Variants in TUSC3 observed in about 807,000 individuals in gnomAD.
TUSC3 encodes the protein tumor suppressor candidate 3.
In TUSC3, 45 loss-of-function variants were observed where a neutral mutation model predicts 44.8. That is an observed-to-expected ratio of 1.00 (90% confidence interval 0.79 to 1.29). The LOEUF (loss-of-function observed/expected upper bound fraction) is 1.29, where lower values mean the gene tolerates loss of function less well. Ranked by LOEUF, TUSC3 falls within the 50% of genes most tolerant of loss-of-function variation. The probability of loss-of-function intolerance (pLI) is 0.00; values close to 1 mark genes in which losing one functional copy is unlikely to be tolerated. For synonymous variants in TUSC3, 212 were observed against 152.9 expected (o/e 1.39, Z -2.85); for missense variants, 519 against 437.9 (o/e 1.19, Z -1.65).
chr8:15,744,766 T>C (rs985897858), intron 8 of TUSC3, among the ~76,000 whole-genome samples: 13 of 152,166 alleles, frequency 8.5e-5, no homozygotes, highest in African/African-American at 3.1e-4. Context: ...ACCATGTCCT[T>C]AGGATTGACA....
chr8:15,631,514 A>G (rs1389560037), intron 2 of TUSC3, among the ~76,000 whole-genome samples: 1 of 152,180 alleles, frequency 6.6e-6, no homozygotes, highest in East Asian at 1.9e-4. Context: ...AAAATTCACT[A>G]ATTAGTAATG....
At chr8:15,499,891 C>G (rs1036068494) in intron 2 of TUSC3, among the ~76,000 whole-genome samples, 1 of 152,220 alleles carries the variant, frequency 6.6e-6, no homozygotes, top group African/African-American at 2.4e-5. Context: ...TACGTACACA[C>G]ACACACATTC....
At chr8:15,745,317 G>T (rs1196142693) in intron 8 of TUSC3, among the ~76,000 whole-genome samples, 2 of 151,996 alleles carry the variant, frequency 1.3e-5, no homozygotes, top group Non-Finnish European at 2.9e-5. Flanking sequence ...TTCTTTGGGT[G>T]TATACCCAGT....
chr8:15,670,318 A>G (rs1807889034), intron 5 of TUSC3, among the ~76,000 whole-genome samples: 1 of 151,870 alleles, frequency 6.6e-6, no homozygotes, highest in African/African-American at 2.4e-5. Flanking sequence ...ATCAACATTT[A>G]TTATAGATCT....
intron 8 of TUSC3, 58 bp downstream of exon 8, chr8:15,743,670 T>C: frequency 6.4e-7 from 1 of 1,559,764 alleles, no homozygotes; most frequent in Admixed American, 1.7e-5. Context: ...TTCATTTAAG[T>C]CAAATGGGAA....
downstream of TUSC3, among the ~76,000 whole-genome samples, chr8:15,767,561 G>C (rs745561462): frequency 2.6e-5 from 4 of 151,958 alleles, no homozygotes; most frequent in African/African-American, 9.7e-5. Context: ...CAGCTGGATA[G>C]CTTAATGGTA....
At chr8:15,702,224 A>G (rs1043259664) in intron 6 of TUSC3, among the ~76,000 whole-genome samples, 4 of 152,044 alleles carry the variant, frequency 2.6e-5, no homozygotes, top group African/African-American at 7.2e-5. Context: ...GATGGAAGAG[A>G]CTCTAATGTT....
intron 3 of TUSC3, among the ~76,000 whole-genome samples, chr8:15,657,604 C>T (rs1179560607): frequency 6.6e-6 from 1 of 152,154 alleles, no homozygotes; most frequent in Non-Finnish European, 1.5e-5. Flanking sequence ...TTTCCTTGCA[C>T]CTCCCCTCTT....
chr8:15,542,685 G>A (rs1195022361), intron 1 of TUSC3, among the ~76,000 whole-genome samples: 1 of 152,140 alleles, frequency 6.6e-6, no homozygotes, highest in Non-Finnish European at 1.5e-5. Context: ...CTAAATTACA[G>A]CAACATGTTT....
chr8:15,837,300 C>A, the TUSC3 span, among the ~76,000 whole-genome samples: 1 of 152,034 alleles, frequency 6.6e-6, no homozygotes, highest in Non-Finnish European at 1.5e-5. Context: ...CTTTTCCAAA[C>A]TGTAAATTGA....
At chr8:15,660,588 A>G (rs1170183431) in intron 4 of TUSC3, among the ~76,000 whole-genome samples, 1 of 151,942 alleles carries the variant, frequency 6.6e-6, no homozygotes, top group Admixed American at 6.6e-5. Flanking sequence ...AGAAGCATTA[A>G]TTTTTACTAT....
chr8:15,488,789 C>T (rs1408135153), intron 2 of TUSC3, among the ~76,000 whole-genome samples: 5 of 152,150 alleles, frequency 3.3e-5, no homozygotes, highest in South Asian at 2.1e-4. Flanking sequence ...CCAAATCTGA[C>T]GGTGCCTTGA....
At chr8:15,744,125 C>G (rs570116651) in intron 8 of TUSC3, among the ~76,000 whole-genome samples, 2 of 152,296 alleles carry the variant, frequency 1.3e-5, no homozygotes, top group South Asian at 2.1e-4. Flanking sequence ...TTGATACTAT[C>G]TTTTCCAGGG....
intron 2 of TUSC3, among the ~76,000 whole-genome samples, chr8:15,499,744 A>G (rs951440086): frequency 2.0e-5 from 3 of 152,140 alleles, no homozygotes; most frequent in East Asian, 1.9e-4. Context: ...CTTTCTGCCT[A>G]TCTTTGAGCT....
At chr8:15,717,040 G>A (rs923691483) in intron 6 of TUSC3, among the ~76,000 whole-genome samples, 4 of 151,912 alleles carry the variant, frequency 2.6e-5, no homozygotes, top group Admixed American at 1.3e-4. Context: ...CTCTTTTATG[G>A]TCCTCTGTAA....
intron 2 of TUSC3, among the ~76,000 whole-genome samples, chr8:15,524,137 C>G (rs1801341751): frequency 6.6e-6 from 1 of 151,624 alleles, no homozygotes; most frequent in South Asian, 2.1e-4. Context: ...AACTAGCCCA[C>G]AATCCTAATA....
chr8:15,593,098 T>C (rs1045083181), intron 1 of TUSC3, among the ~76,000 whole-genome samples: 2 of 152,208 alleles, frequency 1.3e-5, no homozygotes, highest in South Asian at 4.1e-4. Flanking sequence ...AAAAAAATTT[T>C]TTTTTGAGAC....
At chr8:15,643,324 A>G (rs1806469582) in intron 2 of TUSC3, among the ~76,000 whole-genome samples, 1 of 152,170 alleles carries the variant, frequency 6.6e-6, no homozygotes, top group Admixed American at 6.6e-5. Context: ...TGTTAAACGA[A>G]CAATGCGTTA....
At chr8:15,419,390 A>C (rs574523525) in intron 1 of TUSC3, among the ~76,000 whole-genome samples, 3 of 152,198 alleles carry the variant, frequency 2.0e-5, no homozygotes, top group Non-Finnish European at 2.9e-5. Context: ...AGTATATCTT[A>C]TTGCTGAAGT....
Sources: allele counts gnomAD v4.1 joint callset (sites outside exome capture counted in the v4.1 genomes callset), GRCh38; gene constraint gnomAD v4.1.1; transcripts MANE v1.5; gene names NCBI Gene and HGNC (gene_info 2026-07-23, HGNC 2026-07-21).